The following SLC1A2 variants were observed in gnomAD, a reference collection of about 807,000 sequenced individuals.
SLC1A2 encodes solute carrier family 1 member 2.
A neutral mutation model predicts 48.8 loss-of-function variants in SLC1A2; 15 were observed. That is an observed-to-expected ratio of 0.31 (90% CI 0.21 to 0.47). SLC1A2 has a LOEUF of 0.47. SLC1A2 is among the 20% of genes least tolerant of loss of function. The probability of loss-of-function intolerance (pLI) is 0.99; values close to 1 mark genes in which losing one functional copy is unlikely to be tolerated. For synonymous variants in SLC1A2, 279 were observed against 272.6 expected (o/e 1.02, Z -0.23); for missense variants, 502 against 730.5 (o/e 0.69, Z 3.61).
intron 1 of SLC1A2, among the ~76,000 whole-genome samples, chr11:35,355,270 G>A (rs1216573940): frequency 6.6e-6 from 1 of 152,184 alleles, no homozygotes; most frequent in Non-Finnish European, 1.5e-5. Context: ...AAGACGGTCT[G>A]TGAATGAGAC....
At chr11:35,355,777 C>T (rs1446398021) in intron 1 of SLC1A2, among the ~76,000 whole-genome samples, 10 of 151,824 alleles carry the variant, frequency 6.6e-5, no homozygotes, top group East Asian at 3.9e-4. Context: ...CCCAGCTACT[C>T]GGGAGGCTGA....
chr11:35,411,079 C>G (rs1855445918), intron 1 of SLC1A2, among the ~76,000 whole-genome samples: 1 of 152,126 alleles, frequency 6.6e-6, no homozygotes, highest in Non-Finnish European at 1.5e-5. Flanking sequence ...AATCAATAAT[C>G]CTTCAAATGC....
In SLC1A2 at chr11:35,281,013, G is replaced by C. The variant is rs1223929560; in HGVS notation, c.1287-12C>G. ...GGGTGGCTGTGAGGCTATGAGAACA[G>C]AGAAGTTCAGGTCATGGAAATGGAA... is the stretch of plus-strand genomic sequence containing the variant. On this transcript the variant is annotated splice_polypyrimidine_tract_variant and intron_variant, in intron 8 of 10. Coordinates refer to ENST00000278379, the MANE Select transcript of SLC1A2 (RefSeq NM_004171.4). 6.3e-7 allele frequency: 1 copy of C among 1,590,420 alleles called. No individual in the cohort carries two copies. Among genetic ancestry groups the C allele is most frequent in the Non-Finnish European group, 8.6e-7 (1 of 1,169,302 alleles).
At position 35,292,484 on chromosome 11, in the gene SLC1A2, T is replaced by C. The variant is rs1851041503; in HGVS notation, c.894A>G (p.Gly298=). The C allele has an allele frequency of 2.5e-6, 4 of 1,613,810 alleles. No homozygotes were observed. In the East Asian group the frequency reaches 8.9e-5, roughly 36 times the overall value. The change falls in exon 7 of 11, where the codon GGA becomes GGG. Residue 298 remains glycine (G), a synonymous_variant. Transcript: ENST00000278379. ...SPLGIACLIC[G]KIIAIKDLEV... ...CTAAGTCCTTGATTGCAATGATCTTTCCACAGATCAGGCAGGCGATACCCA... is the reference window on the plus strand; with the variant it reads ...CTAAGTCCTTGATTGCAATGATCTTCCCACAGATCAGGCAGGCGATACCCA...
intron 7 of SLC1A2, chr11:35,291,859 C>G (rs1851020071): frequency 6.0e-6 from 1 of 165,992 alleles, no homozygotes; most frequent in African/African-American, 2.4e-5. Context: ...AGCTGCTTCT[C>G]CTACTTTTGA....
At chr11:35,354,675 C>T (rs1360227132) in intron 1 of SLC1A2, among the ~76,000 whole-genome samples, 3 of 152,040 alleles carry the variant, frequency 2.0e-5, no homozygotes, top group African/African-American at 7.2e-5. Context: ...GGGCCGAGGT[C>T]GAGAAACCCT....
At chr11:35,320,820 C>T (rs1238085129) in intron 1 of SLC1A2, among the ~76,000 whole-genome samples, 1 of 152,118 alleles carries the variant, frequency 6.6e-6, no homozygotes, top group Non-Finnish European at 1.5e-5. Flanking sequence ...AAAGATGTTG[C>T]AGTAAACAAA....
chr11:35,334,462 G>GATGTATGTAAATT (rs1852545028), intron 1 of SLC1A2, among the ~76,000 whole-genome samples: 1 of 152,204 alleles, frequency 6.6e-6, no homozygotes. Context: ...TGTTACTAAA[G>GATGTATGTAAATT]ATGTCACATA....
At chr11:35,337,638 A>T (rs2135017865) in intron 1 of SLC1A2, among the ~76,000 whole-genome samples, 1 of 152,308 alleles carries the variant, frequency 6.6e-6, no homozygotes, top group Admixed American at 6.5e-5. Context: ...AGGTGTAAAC[A>T]GACTCTACCT....
At chr11:35,371,905 T>C (rs189017633) in intron 1 of SLC1A2, among the ~76,000 whole-genome samples, 2 of 152,270 alleles carry the variant, frequency 1.3e-5, no homozygotes, top group East Asian at 3.9e-4. Context: ...AGGCTACAGG[T>C]CTAAAATTGT....
At position 35,365,173 on chromosome 11, in the gene SLC1A2, G is replaced by A. The variant is rs79074522; in HGVS notation, c.18-47657C>T. On this transcript the variant is annotated intron_variant, in intron 1 of 10. Transcript: ENST00000278379. ...GTCAGGAGATGATACTGAGGAGGCC[G>A]AGGAATAAGCTGGCTTTCTCCCTTG... 5.3e-5 allele frequency among the ~76,000 whole-genome samples: 8 copies of A among 152,304 alleles called. No homozygotes were observed. In the East Asian group the frequency reaches 9.6e-4, roughly 18 times the overall value.
chr11:35,355,233 C>G (rs1853413936), intron 1 of SLC1A2, among the ~76,000 whole-genome samples: 2 of 152,136 alleles, frequency 1.3e-5, no homozygotes, highest in South Asian at 4.1e-4. Flanking sequence ...ATAGAGTTTA[C>G]TCTCAGGATG....
At chr11:35,268,522 G>A (rs761370835) in intron 9 of SLC1A2, among the ~76,000 whole-genome samples, 6 of 151,866 alleles carry the variant, frequency 4.0e-5, no homozygotes, top group East Asian at 3.9e-4. Flanking sequence ...AAAATTAGCC[G>A]GGCATGGTGG....
chr11:35,371,653 T>C (rs1046906750), intron 1 of SLC1A2, among the ~76,000 whole-genome samples: 3 of 152,202 alleles, frequency 2.0e-5, no homozygotes, highest in Admixed American at 6.5e-5. Flanking sequence ...ACAGTTTTGT[T>C]TCTTTGCTGA....
intron 1 of SLC1A2, among the ~76,000 whole-genome samples, chr11:35,368,737 G>C (rs1853948119): frequency 6.6e-6 from 1 of 152,210 alleles, no homozygotes; most frequent in Non-Finnish European, 1.5e-5. Flanking sequence ...GAACAATGGT[G>C]CATACACATA....
chr11:35,314,854 A>C, intron 3 of SLC1A2, 169 bp downstream of exon 3: 1 of 373,352 alleles, frequency 2.7e-6, no homozygotes. Flanking sequence ...GCAAGCTTTT[A>C]TTTCTTTAGG....
In SLC1A2 at chr11:35,269,222, C is replaced by T. The variant is rs531640532; in HGVS notation, c.1422-3464G>A. Among the ~76,000 whole-genome samples, 9 of 152,290 alleles carry T rather than the reference C, an allele frequency of 5.9e-5. No homozygotes were observed. The East Asian group carries it at 1.7e-3, about 29-fold the overall frequency. ...GGCCCTCACCAGACACAGAATCTCC[C>T]AGTGCCTTGATCTTGGACTTTCAAG... On this transcript the variant is annotated intron_variant, in intron 9 of 10. Transcript: ENST00000278379.
At chr11:35,403,000 G>A (rs562476226) in intron 1 of SLC1A2, among the ~76,000 whole-genome samples, 2 of 152,310 alleles carry the variant, frequency 1.3e-5, no homozygotes, top group Admixed American at 1.3e-4. Context: ...CCAAGTGTTA[G>A]CAGCCTAATT....
At chr11:35,349,179 C>T (rs994613428) in intron 1 of SLC1A2, among the ~76,000 whole-genome samples, 7 of 152,142 alleles carry the variant, frequency 4.6e-5, no homozygotes, top group East Asian at 3.9e-4. Context: ...TGCGGGAGCC[C>T]GGGCAGGGGC....
Sources: allele counts gnomAD v4.1 joint callset (sites outside exome capture counted in the v4.1 genomes callset), GRCh38; gene constraint gnomAD v4.1.1; transcripts MANE v1.5; gene names NCBI Gene and HGNC (gene_info 2026-07-23, HGNC 2026-07-21).